The following FOXO3 variants were observed in gnomAD, a reference collection of about 807,000 sequenced individuals.
The protein encoded by FOXO3 is forkhead box protein O3.
Under a neutral mutation model 41.9 loss-of-function variants are expected in FOXO3, and 4 were observed. The observed-to-expected ratio is 0.10, with a 90% CI of 0.05 to 0.22. FOXO3 has a LOEUF of 0.22. Ranked by LOEUF, FOXO3 falls within the 10% of genes least tolerant of loss-of-function variation. The pLI is 1.00. For synonymous variants in FOXO3, 318 were observed against 389.3 expected, an observed-to-expected ratio of 0.82 and a Z score of 2.16; for missense variants, 534 against 906.8, an observed-to-expected ratio of 0.59 and a Z score of 5.28.
intron 1 of FOXO3, among the ~76,000 whole-genome samples, chr6:108,651,040 G>A (rs982575181): frequency 1.3e-5 from 2 of 152,226 alleles, no homozygotes; most frequent in Admixed American, 1.3e-4. Context: ...TGAGGTATAG[G>A]TTAAAGAAGG....
chr6:108,648,357 A>G (rs1414941030), intron 1 of FOXO3, among the ~76,000 whole-genome samples: 1 of 152,196 alleles, frequency 6.6e-6, no homozygotes, highest in African/African-American at 2.4e-5. Context: ...ATTTCCCACA[A>G]GCAAACCGCA....
chr6:108,636,226 A>G (rs1778116503), intron 1 of FOXO3, among the ~76,000 whole-genome samples: 1 of 152,200 alleles, frequency 6.6e-6, no homozygotes, highest in Non-Finnish European at 1.5e-5. Flanking sequence ...TACCTAGTGT[A>G]TCGATGTTGT....
intron 2 of FOXO3, among the ~76,000 whole-genome samples, chr6:108,671,047 G>A (rs896986359): frequency 3.9e-5 from 6 of 152,228 alleles, no homozygotes; most frequent in Admixed American, 2.0e-4. Context: ...ACAGTTTGTC[G>A]TAGAGCCAAA....
rs1157233030 is a variant in FOXO3, at chr6:108,680,657, C to G, written c.*865C>G. The G allele has an allele frequency of 6.6e-6, 1 of 151,356 alleles. No homozygotes were observed. Among genetic ancestry groups the G allele is most frequent in the Non-Finnish European group, 1.5e-5 (1 of 67,930 alleles). The allele number at this position is 151,356 out of a possible 1,614,324, so 9.4% of individuals were successfully genotyped here. On this transcript the variant is annotated 3_prime_UTR_variant, in exon 3 of 3. Transcript: ENST00000406360. ...ACAGTGTTGGTCTGCTGGTTAGAAA[C>G]TAGAATATTGATATTTTCAGGAAAG...
Position 108,664,104 on chromosome 6 carries a change from G to A in FOXO3, c.1271G>A (p.Gly424Asp). 1 of 1,614,140 alleles carries A rather than the reference G, an allele frequency of 6.2e-7. No homozygotes were observed. The highest frequency in any genetic ancestry group is 8.5e-7 in the Non-Finnish European group (1 of 1,180,044). The change falls in exon 2 of 3, where the codon GGC (glycine) becomes GAC (aspartate). Residue 424 changes from glycine (G) to aspartate (D), a missense_variant. Gly to Asp is a moderately conservative substitution (Grantham distance 94). Coordinates refer to ENST00000406360, the MANE Select transcript of FOXO3 (RefSeq NM_001455.4). ...TATACCACCAAGGGCTCGGGCCTGG[G>A]CTCCCCAACCAGCTCCTTTAACAGC... ...FPYTTKGSGLGSPTSSFNSTV... is the reference protein window; with the variant it reads ...FPYTTKGSGLDSPTSSFNSTV...
At chr6:108,638,925 C>T (rs1778183596) in intron 1 of FOXO3, among the ~76,000 whole-genome samples, 1 of 152,186 alleles carries the variant, frequency 6.6e-6, no homozygotes. Context: ...AGAAAAGTGG[C>T]ACCGTGTCCT....
intron 1 of FOXO3, among the ~76,000 whole-genome samples, chr6:108,620,529 C>T (rs1380553166): frequency 6.6e-6 from 1 of 152,092 alleles, no homozygotes; most frequent in Non-Finnish European, 1.5e-5. Flanking sequence ...CTGTACACAG[C>T]AAATGGGTTT....
rs74659901 is a variant in FOXO3, at chr6:108,621,135, T to C, written c.622-42320T>C. Reference sequence around the variant, plus strand: ...GATTGGAAAAAAATAGAGTGTATAATTGGGCACATTCTGTACTGCTTAGTG... The same window carrying C: ...GATTGGAAAAAAATAGAGTGTATAACTGGGCACATTCTGTACTGCTTAGTG... On this transcript the variant is annotated intron_variant, in intron 1 of 2. Coordinates refer to ENST00000406360, the MANE Select transcript of FOXO3 (RefSeq NM_001455.4). Among the ~76,000 whole-genome samples, 1,009 of 152,332 alleles carry C rather than the reference T, an allele frequency of 6.6e-3. 15 individuals carry two copies. The highest frequency in any genetic ancestry group is 0.023 in the African/African-American group (971 of 41,584).
upstream of FOXO3, chr6:108,559,955 G>A (rs1351196680): frequency 4.0e-5 from 6 of 151,476 alleles, no homozygotes; most frequent in Non-Finnish European, 8.8e-5. Context: ...TCCTCGCCGT[G>A]CCCCGGGCCC....
intron 1 of FOXO3, among the ~76,000 whole-genome samples, chr6:108,611,267 G>A (rs1207300887): frequency 6.6e-6 from 1 of 152,142 alleles, no homozygotes; most frequent in Non-Finnish European, 1.5e-5. Flanking sequence ...CATTCACCAG[G>A]GGATAGACAT....
At chr6:108,618,845 TTC>T (rs1777589614) in intron 1 of FOXO3, among the ~76,000 whole-genome samples, 1 of 152,234 alleles carries the variant, frequency 6.6e-6, no homozygotes, top group Admixed American at 6.5e-5. Flanking sequence ...GCCCTTCCAA[TTC>T]TAGCCGTTTT....
intron 1 of FOXO3, among the ~76,000 whole-genome samples, chr6:108,661,750 G>A (rs1471826958): frequency 6.6e-6 from 1 of 152,240 alleles, no homozygotes; most frequent in African/African-American, 2.4e-5. Flanking sequence ...CAGTGGCAGA[G>A]ATAGGACTGA....
chr6:108,628,333 T>C (rs888085670), intron 1 of FOXO3, among the ~76,000 whole-genome samples: 1 of 152,100 alleles, frequency 6.6e-6, no homozygotes, highest in Non-Finnish European at 1.5e-5. Context: ...AATGACAAAA[T>C]TACCTCCATG....
chr6:108,671,951 G>T (rs768943122), intron 2 of FOXO3, among the ~76,000 whole-genome samples: 1 of 152,204 alleles, frequency 6.6e-6, no homozygotes, highest in Non-Finnish European at 1.5e-5. Context: ...TTAAAGGATC[G>T]CCTGAGAAGT....
At chr6:108,662,620 G>A (rs571949731) in intron 1 of FOXO3, among the ~76,000 whole-genome samples, 2 of 152,112 alleles carry the variant, frequency 1.3e-5, no homozygotes, top group Admixed American at 6.6e-5. Context: ...AATTCTCATC[G>A]GTTCTTCATT....
chr6:108,579,176 T>C (rs1776342734), intron 1 of FOXO3, among the ~76,000 whole-genome samples: 1 of 152,158 alleles, frequency 6.6e-6, no homozygotes, highest in African/African-American at 2.4e-5. Context: ...TGGATTACAG[T>C]TCATTCTGCT....
intron 1 of FOXO3, among the ~76,000 whole-genome samples, chr6:108,623,458 G>A (rs989942264): frequency 6.6e-6 from 1 of 152,132 alleles, no homozygotes; most frequent in Non-Finnish European, 1.5e-5. Flanking sequence ...AAGCATTGTG[G>A]TAGGCTCAGG....
rs1003835940 is a variant in FOXO3, at chr6:108,663,811, C to A, written c.978C>A (p.Pro326=). 5 of 1,613,810 alleles carry A rather than the reference C, an allele frequency of 3.1e-6. No homozygotes were observed. The African/African-American group carries it at 5.3e-5, about 17-fold the overall frequency. ...GCACAGTCAGTGGCCGCCTGTCGCC[C>A]ATCATGGCAAGCACAGAGTTGGATG... The part of the protein sequence containing the change: ...NASTVSGRLS[P]IMASTELDEV... Residue 326 remains proline, a synonymous_variant, in exon 2 of 3, where the codon CCC becomes CCA. Coordinates refer to ENST00000406360, the MANE Select transcript of FOXO3 (RefSeq NM_001455.4).
At chr6:108,643,128 T>C (rs1413087396) in intron 1 of FOXO3, among the ~76,000 whole-genome samples, 2 of 152,262 alleles carry the variant, frequency 1.3e-5, no homozygotes, top group African/African-American at 2.4e-5. Flanking sequence ...TTCTAAACTT[T>C]CATTTCCCCA....
Sources: allele counts gnomAD v4.1 joint callset (sites outside exome capture counted in the v4.1 genomes callset), GRCh38; gene constraint gnomAD v4.1.1; transcripts MANE v1.5; gene names NCBI Gene and HGNC (gene_info 2026-07-23, HGNC 2026-07-21).